MAML2: variants seen among roughly 807,000 people sequenced by gnomAD.
MAML2 encodes mastermind like transcriptional coactivator 2.
Under a neutral mutation model 96.1 loss-of-function variants are expected in MAML2, and 22 were observed. The observed-to-expected ratio is 0.23, with a 90% CI of 0.16 to 0.33. The LOEUF (loss-of-function observed/expected upper bound fraction) is 0.33, where lower values mean the gene tolerates loss of function less well. MAML2 is among the 10% of genes least tolerant of loss of function. MAML2 has a pLI of 1.00. For synonymous variants in MAML2, 561 were observed against 521.3 expected, an observed-to-expected ratio of 1.08 and a Z score of -1.04; for missense variants, 1,367 against 1,392.4, an observed-to-expected ratio of 0.98 and a Z score of 0.29.
At chr11:96,082,041 C>CT (rs1204092459) in intron 2 of MAML2, among the ~76,000 whole-genome samples, 1 of 152,074 alleles carries the variant, frequency 6.6e-6, no homozygotes, top group Non-Finnish European at 1.5e-5. Context: ...TTTGTCCTGC[C>CT]TTTTTTTCTT....
intron 2 of MAML2, among the ~76,000 whole-genome samples, chr11:95,998,089 C>A (rs1858020274): frequency 6.6e-6 from 1 of 151,838 alleles, no homozygotes; most frequent in Non-Finnish European, 1.5e-5. Flanking sequence ...TATAGCAAAG[C>A]CTATATCTAC....
chr11:96,121,706 GAGA>G (rs1435334388), intron 1 of MAML2, among the ~76,000 whole-genome samples: 1 of 150,292 alleles, frequency 6.7e-6, no homozygotes, highest in African/African-American at 2.5e-5. Context: ...AAAAAAAAGA[GAGA>G]AGACTAGAAA....
chr11:96,142,099 A>G (rs867014147), intron 1 of MAML2, among the ~76,000 whole-genome samples: 1 of 152,266 alleles, frequency 6.6e-6, no homozygotes, highest in Non-Finnish European at 1.5e-5. Flanking sequence ...CAGGAAAGCA[A>G]CAAGACCAGA....
chr11:96,332,071 T>G (rs1292550500), intron 1 of MAML2, among the ~76,000 whole-genome samples: 3 of 152,212 alleles, frequency 2.0e-5, no homozygotes, highest in African/African-American at 7.2e-5. Context: ...CAATCAGAAC[T>G]CCTTCCCATG....
intron 2 of MAML2, among the ~76,000 whole-genome samples, chr11:96,055,253 C>T (rs946608906): frequency 1.3e-5 from 2 of 152,122 alleles, no homozygotes; most frequent in South Asian, 4.1e-4. Flanking sequence ...ACCATGGACG[C>T]CTAAGAAAAC....
chr11:96,129,151 A>C (rs1217302608), intron 1 of MAML2, among the ~76,000 whole-genome samples: 1 of 152,194 alleles, frequency 6.6e-6, no homozygotes, highest in Non-Finnish European at 1.5e-5. Context: ...GTTATGTTCA[A>C]CTTAGAGATT....
intron 2 of MAML2, among the ~76,000 whole-genome samples, chr11:96,071,674 C>G (rs575534783): frequency 1.3e-4 from 20 of 152,340 alleles, no homozygotes; most frequent in African/African-American, 4.6e-4. Flanking sequence ...ACCTCATGGA[C>G]TGGTAGACTG....
intron 1 of MAML2, among the ~76,000 whole-genome samples, chr11:96,333,445 A>G (rs1366111815): frequency 1.3e-5 from 2 of 151,352 alleles, no homozygotes; most frequent in Non-Finnish European, 2.9e-5. Context: ...CTACTAAAGA[A>G]TGGAGACTAT....
chr11:96,312,884 G>A (rs941665456), intron 1 of MAML2, among the ~76,000 whole-genome samples: 2 of 152,170 alleles, frequency 1.3e-5, no homozygotes, highest in African/African-American at 4.8e-5. Flanking sequence ...AAATAGCTTA[G>A]TTGTATTGGA....
intron 1 of MAML2, among the ~76,000 whole-genome samples, chr11:96,315,802 C>A (rs529960045): frequency 6.6e-6 from 1 of 152,358 alleles, no homozygotes; most frequent in African/African-American, 2.4e-5. Flanking sequence ...CACAGAGGAG[C>A]TGGCTGTGAG....
At chr11:96,068,644 C>T (rs538435657) in intron 2 of MAML2, among the ~76,000 whole-genome samples, 13 of 151,964 alleles carry the variant, frequency 8.6e-5, no homozygotes, top group South Asian at 2.1e-4. Flanking sequence ...CTGGCTAACA[C>T]GGTGAAACCC....
intron 1 of MAML2, among the ~76,000 whole-genome samples, chr11:96,337,359 A>C (rs1191173269): frequency 6.6e-6 from 1 of 152,224 alleles, no homozygotes; most frequent in Non-Finnish European, 1.5e-5. Flanking sequence ...AGTTAAAAAT[A>C]ACCAGGGTAC....
intron 2 of MAML2, among the ~76,000 whole-genome samples, chr11:96,018,471 T>TC (rs1347983046): frequency 6.6e-6 from 1 of 152,134 alleles, no homozygotes; most frequent in African/African-American, 2.4e-5. Context: ...ACAGTAACTG[T>TC]CCTCTGGACA....
intron 2 of MAML2, among the ~76,000 whole-genome samples, chr11:96,003,962 G>A (rs1858137901): frequency 6.6e-6 from 1 of 152,072 alleles, no homozygotes; most frequent in African/African-American, 2.4e-5. Context: ...TACCACCACT[G>A]CCTCTACCAA....
At chr11:96,059,339 A>G (rs16922962) in intron 2 of MAML2, among the ~76,000 whole-genome samples, 2,040 of 152,340 alleles carry the variant, frequency 0.013, 45 homozygotes, top group African/African-American at 0.046. Flanking sequence ...ATAGGTGAGT[A>G]GATAAAAAGC....
chr11:96,026,187 C>T (rs1425197397), intron 2 of MAML2, among the ~76,000 whole-genome samples: 2 of 152,210 alleles, frequency 1.3e-5, no homozygotes, highest in African/African-American at 2.4e-5. Flanking sequence ...ATTTATCAGT[C>T]TCCTCCTCTC....
intron 1 of MAML2, among the ~76,000 whole-genome samples, chr11:96,340,187 C>A (rs777821575): frequency 6.6e-6 from 1 of 152,224 alleles, no homozygotes; most frequent in Non-Finnish European, 1.5e-5. Flanking sequence ...AGAGGATGTC[C>A]TCTCCCGAGA....
At chr11:96,245,000 C>T (rs7942216) in intron 1 of MAML2, among the ~76,000 whole-genome samples, 4,990 of 152,264 alleles carry the variant, frequency 0.033, 283 homozygotes, top group African/African-American at 0.11. Flanking sequence ...TGAGATTATA[C>T]ATCCATACTG....
chr11:96,257,661 G>A (rs2135971003), intron 1 of MAML2, among the ~76,000 whole-genome samples: 1 of 151,968 alleles, frequency 6.6e-6, no homozygotes, highest in Non-Finnish European at 1.5e-5. Context: ...TTTTTATCAT[G>A]TGCATATTTC....
Sources: allele counts gnomAD v4.1 joint callset (sites outside exome capture counted in the v4.1 genomes callset), GRCh38; gene constraint gnomAD v4.1.1; transcripts MANE v1.5; gene names NCBI Gene and HGNC (gene_info 2026-07-23, HGNC 2026-07-21).